The following SLC35E2B variants were observed in gnomAD, a reference collection of about 807,000 sequenced individuals.
SLC35E2B encodes solute carrier family 35, member E2B.
In SLC35E2B, 18 loss-of-function variants were observed where a neutral mutation model predicts 32.4. The observed-to-expected ratio is 0.56, with a 90% confidence interval of 0.38 to 0.82. The LOEUF (loss-of-function observed/expected upper bound fraction) is 0.82, where lower values mean the gene tolerates loss of function less well. Ranked by LOEUF, SLC35E2B falls within the 40% of genes least tolerant of loss-of-function variation. SLC35E2B has a pLI of 0.00. For missense variants in SLC35E2B, 263 were observed against 469.5 expected, an observed-to-expected ratio of 0.56 and a Z score of 4.06; for synonymous variants, 132 against 209.1, an observed-to-expected ratio of 0.63 and a Z score of 3.18.
intron 2 of SLC35E2B, among the ~76,000 whole-genome samples, chr1:1,687,089 A>G (rs1324797054): frequency 1.3e-5 from 2 of 152,132 alleles, no homozygotes; most frequent in Admixed American, 1.3e-4. Flanking sequence ...AAAAGAAGAA[A>G]GAAGATGGAT....
chr1:1,690,107 C>A (rs1570351079), intron 2 of SLC35E2B, among the ~76,000 whole-genome samples: 1 of 150,132 alleles, frequency 6.7e-6, no homozygotes, highest in East Asian at 2.0e-4. Context: ...CATGGAGAAA[C>A]CCCATCTCTA....
At position 1,667,645 on chromosome 1, in the gene SLC35E2B, G is replaced by C. The variant is rs538674949; in HGVS notation, c.980+682C>G. Among the ~76,000 whole-genome samples the C allele has an allele frequency of 8.0e-4, 122 of 152,212 alleles. 1 individual carries two copies. The highest frequency in any genetic ancestry group is 2.0e-3 in the Admixed American group (31 of 15,280). On this transcript the variant is annotated intron_variant, in intron 9 of 9. Transcript: ENST00000617444. ...TTCTCCACATTTCAAGTGCTCAGAA[G>C]CTGTATGTGGCCAGTGGCTCCTGCA...
intron 8 of SLC35E2B, 77 bp downstream of exon 8, chr1:1,669,587 G>T: frequency 1.4e-6 from 2 of 1,406,934 alleles, no homozygotes; most frequent in Non-Finnish European, 1.9e-6. Context: ...GCCTGGAAAC[G>T]GAAGTCATTC....
chr1:1,664,086 G>T lies in SLC35E2B; in HGVS notation c.*1696C>A, dbSNP rs568437208. ...TGGTTCCAGCCACATGGGAGGCTGAGGTGGGAGGATCATTTGAGCCCAGGA... is the reference window on the plus strand; with the variant it reads ...TGGTTCCAGCCACATGGGAGGCTGATGTGGGAGGATCATTTGAGCCCAGGA... On this transcript the variant is annotated 3_prime_UTR_variant, in exon 10 of 10. Coordinates refer to ENST00000617444, the MANE Select transcript of SLC35E2B (RefSeq NM_001290264.2). 13 of 506,522 alleles carry T rather than the reference G, an allele frequency of 2.6e-5. No individual in the cohort carries two copies. In the South Asian group the frequency reaches 1.1e-3, roughly 41 times the overall value. 31.4% of individuals were successfully genotyped at this position (506,522 alleles called of 1,614,324 possible). A position where few individuals can be genotyped will look rare whatever the true frequency, so the allele number is the denominator to read the frequency against.
At chr1:1,669,101 T>C (rs1414136460) in intron 8 of SLC35E2B, among the ~76,000 whole-genome samples, 1 of 152,092 alleles carries the variant, frequency 6.6e-6, no homozygotes, top group African/African-American at 2.4e-5. Flanking sequence ...ACAACTTCCC[T>C]GCAGGGAGAA....
At chr1:1,676,247 AT>A in intron 3 of SLC35E2B, 48 bp from the exon 4 acceptor site, 1 of 483,736 alleles carries the variant, frequency 2.1e-6, no homozygotes, top group Non-Finnish European at 3.6e-6. Flanking sequence ...CACCCCTCCC[AT>A]GCCTGCAGTG....
intron 2 of SLC35E2B, among the ~76,000 whole-genome samples, chr1:1,679,076 C>A (rs934676940): frequency 2.0e-5 from 3 of 152,140 alleles, no homozygotes; most frequent in Non-Finnish European, 2.9e-5. Flanking sequence ...TCGAAGGCTG[C>A]CCCCTGGCTG....
At chr1:1,673,098 G>A (rs142112101) in intron 5 of SLC35E2B, 1,910 of 167,168 alleles carry the variant, frequency 0.011, 35 homozygotes, top group East Asian at 0.045. Flanking sequence ...AGCCGGACAC[G>A]GCGGCTGATG....
intron 2 of SLC35E2B, among the ~76,000 whole-genome samples, chr1:1,685,639 C>G (rs553189665): frequency 1.3e-5 from 2 of 152,044 alleles, no homozygotes; most frequent in East Asian, 3.9e-4. Context: ...AACACGAACA[C>G]GAATGCATGA....
chr1:1,687,318 T>A (rs1643964019), intron 2 of SLC35E2B, among the ~76,000 whole-genome samples: 1 of 152,194 alleles, frequency 6.6e-6, no homozygotes, highest in African/African-American at 2.4e-5. Flanking sequence ...GGCTCACGCC[T>A]GTAATCCTAG....
At chr1:1,668,112 C>T (rs538188686) in intron 9 of SLC35E2B, among the ~76,000 whole-genome samples, 1 of 152,094 alleles carries the variant, frequency 6.6e-6, no homozygotes, top group Non-Finnish European at 1.5e-5. Flanking sequence ...CTTGTCCTCT[C>T]AAGTGCTGGG....
Position 1,665,488 on chromosome 1 carries a change from AG to A in SLC35E2B, c.*293del. The A allele has an allele frequency of 1.8e-6, 1 of 547,502 alleles. No homozygotes were observed. The highest frequency in any genetic ancestry group is 1.9e-5 in the African/African-American group (1 of 52,606). The allele number at this position is 547,502 out of a possible 1,614,324, so 33.9% of individuals were successfully genotyped here. On this transcript the variant is annotated 3_prime_UTR_variant, in exon 10 of 10. Transcript: ENST00000617444. ...GTGGACCCTGGGGTGTCGCCCAGAG[AG>A]GAAGTGGGCACCCCCAGCATGGGAG...
chr1:1,685,290 G>A (rs1643937125), intron 2 of SLC35E2B, among the ~76,000 whole-genome samples: 1 of 151,504 alleles, frequency 6.6e-6, no homozygotes, highest in Non-Finnish European at 1.5e-5. Context: ...CCTGGGCACG[G>A]TGGTGTGCGC....
At position 1,665,722 on chromosome 1, in the gene SLC35E2B, C is replaced by T; in HGVS notation, c.*60G>A. On this transcript the variant is annotated 3_prime_UTR_variant, in exon 10 of 10. Coordinates refer to ENST00000617444, the MANE Select transcript of SLC35E2B (RefSeq NM_001290264.2). ...AGCAGGGCCATGGAGGAGGGCGTCC[C>T]TGCCCATTTCTGGGGGATGCAGTGT... 6.5e-7 allele frequency: 1 copy of T among 1,533,398 alleles called. No homozygotes were observed. 95.0% of individuals were successfully genotyped at this position (1,533,398 alleles called of 1,614,324 possible).
At position 1,668,398 on chromosome 1, in the gene SLC35E2B, G is replaced by A. The variant is rs202089060; in HGVS notation, c.909C>T (p.Asp303=). The A allele has an allele frequency of 7.4e-6, 12 of 1,613,330 alleles. No homozygotes were observed. The East Asian group carries it at 8.9e-5, about 12-fold the overall frequency. ...NQDVVLLLLT[D]GVLFHLQSVT... is the part of the protein sequence containing the mutation. ...CGCTCTGAAGGTGGAACAGGACTCCGTCTGTCAGAAGCAGCAGCACCACGT... is the reference window on the plus strand; with the variant it reads ...CGCTCTGAAGGTGGAACAGGACTCCATCTGTCAGAAGCAGCAGCACCACGT... The change falls in exon 9 of 10, where the codon GAC becomes GAT. Residue 303 remains aspartate (D), a synonymous_variant. Transcript: ENST00000617444.
Position 1,674,596 on chromosome 1 carries a change from G to A in SLC35E2B, c.586+867C>T, listed in dbSNP as rs371852504. On this transcript the variant is annotated intron_variant, in intron 5 of 9. Coordinates refer to ENST00000617444, the MANE Select transcript of SLC35E2B (RefSeq NM_001290264.2). ...CTCGCCACTGCACTGCAGCCTGGGC[G>A]ACAGAGCAAGACCCTGTCTCAAAAA... Among the ~76,000 whole-genome samples, 420 of 138,594 alleles carry A rather than the reference G, an allele frequency of 3.0e-3. 3 individuals are homozygous for A. Among genetic ancestry groups the A allele is most frequent in the South Asian group, 0.013 (57 of 4,392 alleles). 90.9% of individuals were successfully genotyped at this position (138,594 alleles called of 152,430 possible).
intron 9 of SLC35E2B, among the ~76,000 whole-genome samples, chr1:1,667,776 G>T (rs552669414): frequency 1.5e-4 from 23 of 152,154 alleles, no homozygotes; most frequent in African/African-American, 5.5e-4. Context: ...TTCAAACGCA[G>T]AGACTTCTAG....
At chr1:1,671,486 C>A in intron 6 of SLC35E2B, 23 bp downstream of exon 6, 1 of 1,464,986 alleles carries the variant, frequency 6.8e-7, no homozygotes, top group Non-Finnish European at 9.1e-7. Context: ...GTCCCCCTCA[C>A]GCCCACCTTC....
chr1:1,669,685 G>A lies in SLC35E2B; in HGVS notation c.813C>T (p.Val271=), dbSNP rs753999800. Residue 271 remains valine, a synonymous_variant, in exon 8 of 10, where the codon GTC becomes GTT. Transcript: ENST00000617444. ...CCACCGTAAAGAAAACCCGGGCCGG[G>A]ACGAGCATGGCCACCGCAGCGGCGC... The part of the protein sequence containing the change: ...YTSAAAVAML[V]PARVFFTDVP... 2.2e-5 allele frequency: 34 copies of A among 1,530,230 alleles called. No individual in the cohort carries two copies. In the South Asian group the frequency reaches 3.5e-4, roughly 16 times the overall value. 94.8% of individuals were successfully genotyped at this position (1,530,230 alleles called of 1,614,324 possible).
Sources: gnomAD v4.1 joint callset for allele counts (sites outside exome capture counted in the v4.1 genomes callset) on GRCh38, gnomAD v4.1.1 for gene constraint, MANE v1.5 for transcripts, NCBI Gene and HGNC (gene_info 2026-07-23, HGNC 2026-07-21) for gene names.